The following UTRN variants were observed in gnomAD, a reference collection of about 807,000 sequenced individuals.
The protein encoded by UTRN is utrophin.
Under a neutral mutation model 463.9 loss-of-function variants are expected in UTRN, and 283 were observed. That is an observed-to-expected ratio of 0.61 (90% confidence interval 0.55 to 0.67). The LOEUF is 0.67. Ranked by LOEUF, UTRN falls within the 30% of genes least tolerant of loss-of-function variation. UTRN has a pLI of 0.00. For synonymous variants in UTRN, 1,442 were observed against 1,431.5 expected, an observed-to-expected ratio of 1.01 and a Z score of -0.17; for missense variants, 3,922 against 4,084.3, an observed-to-expected ratio of 0.96 and a Z score of 1.08.
At position 144,820,978 on chromosome 6, in the gene UTRN, C is replaced by G; in HGVS notation, c.9454C>G (p.Leu3152Val). The G allele has an allele frequency of 6.2e-7, 1 of 1,613,880 alleles. No homozygotes were observed. Among genetic ancestry groups the G allele is most frequent in the Non-Finnish European group, 8.5e-7 (1 of 1,179,864 alleles). The change falls in exon 66 of 75, where the codon CTG becomes GTG. Residue 3152 changes from leucine to valine, a missense_variant. By Grantham distance (32) the Leu-to-Val change is conservative. Transcript: ENST00000367545. ...YFAKHPRLGYLPVQTVLEGDN... is the reference protein window; with the variant it reads ...YFAKHPRLGYVPVQTVLEGDN... Reference sequence around the variant, plus strand: ...TGCCAAACACCCTCGACTTGGTTACCTGCCTGTCCAGACAGTTCTTGAAGG... The same window carrying G: ...TGCCAAACACCCTCGACTTGGTTACGTGCCTGTCCAGACAGTTCTTGAAGG...
chr6:144,643,990 A>G (rs1277144119), intron 51 of UTRN, among the ~76,000 whole-genome samples: 1 of 152,112 alleles, frequency 6.6e-6, no homozygotes, highest in Admixed American at 6.5e-5. Flanking sequence ...AAAAAGGCAA[A>G]ATCGATGGGA....
chr6:144,364,514 A>G (rs1230961109), intron 2 of UTRN, among the ~76,000 whole-genome samples: 1 of 152,150 alleles, frequency 6.6e-6, no homozygotes, highest in Non-Finnish European at 1.5e-5. Context: ...TGCTCTCCCC[A>G]CTTCGCGTTT....
At chr6:144,677,090 T>C in intron 51 of UTRN, among the ~76,000 whole-genome samples, 1 of 152,156 alleles carries the variant, frequency 6.6e-6, no homozygotes, top group Non-Finnish European at 1.5e-5. Flanking sequence ...GAGGAGTCAG[T>C]GTATTGAACA....
At chr6:144,484,432 CTTTTTTTTTTTTT>C (rs765122659) in intron 27 of UTRN, among the ~76,000 whole-genome samples, 11 of 66,254 alleles carry the variant, frequency 1.7e-4, no homozygotes, top group African/African-American at 2.3e-4. Flanking sequence ...AAAAACCAAA[CTTTTTTTTTTTTT>C]TTTTTTTTTT....
chr6:144,516,935 A>G lies in UTRN; in HGVS notation c.5528A>G (p.Tyr1843Cys). Residue 1843 changes from tyrosine (Y) to cysteine (C), a missense_variant, in exon 39 of 75, where the codon TAC becomes TGC. Around this residue, in one of 3 missense-constraint regions of UTRN, gnomAD observed 2,349 missense variants for 2,303.8 expected, o/e 1.02. Coordinates refer to ENST00000367545, the MANE Select transcript of UTRN (RefSeq NM_007124.3). Reference sequence around the variant, plus strand: ...CAATTATTACTTTTGCATACTAGATACAACAAAATTAAGGTATTATGATTG... The same window carrying G: ...CAATTATTACTTTTGCATACTAGATGCAACAAAATTAAGGTATTATGATTG... ...RLQLLLLHTR[Y>C]NKIKAIPIQQ... 1.4e-6 allele frequency: 2 copies of G among 1,480,554 alleles called. No homozygotes were observed. The allele number at this position is 1,480,554 out of a possible 1,614,324, so 91.7% of individuals were successfully genotyped here.
chr6:144,813,250 G>A (rs567949791), intron 65 of UTRN, among the ~76,000 whole-genome samples: 26 of 151,832 alleles, frequency 1.7e-4, no homozygotes, highest in East Asian at 1.5e-3. Context: ...AAGCAATGGC[G>A]CAATCTTGGC....
rs1803592603 is a variant in UTRN, at chr6:144,285,556, T to A, written c.-358T>A. The A allele has an allele frequency of 6.6e-6, 1 of 152,278 alleles. No individual in the cohort carries two copies. The highest frequency in any genetic ancestry group is 1.5e-5 in the Non-Finnish European group (1 of 68,064). 9.4% of individuals were successfully genotyped at this position (152,278 alleles called of 1,614,324 possible). ...GGTTTGCGCTTTGACTGTTTTGTTTTTGGCGGAACTACCAGGCAGGAAGAT... is the reference window on the plus strand; with the variant it reads ...GGTTTGCGCTTTGACTGTTTTGTTTATGGCGGAACTACCAGGCAGGAAGAT... On this transcript the variant is annotated 5_prime_UTR_variant, in exon 1 of 75. In the 5' UTR this introduces an upstream ATG that the reference lacks. Coordinates refer to ENST00000367545, the MANE Select transcript of UTRN (RefSeq NM_007124.3).
intron 73 of UTRN, among the ~76,000 whole-genome samples, chr6:144,841,171 A>C (rs887327426): frequency 3.3e-5 from 5 of 152,228 alleles, no homozygotes; most frequent in African/African-American, 1.2e-4. Context: ...TCTTAGTTCA[A>C]AGAAGAGCTT....
At chr6:144,815,129 T>C (rs1179573755) in intron 65 of UTRN, among the ~76,000 whole-genome samples, 2 of 152,162 alleles carry the variant, frequency 1.3e-5, no homozygotes, top group African/African-American at 4.8e-5. Flanking sequence ...TGCAATAGAT[T>C]GAAACCCATC....
intron 58 of UTRN, among the ~76,000 whole-genome samples, chr6:144,764,636 T>C (rs1458521757): frequency 6.6e-6 from 1 of 152,116 alleles, no homozygotes; most frequent in African/African-American, 2.4e-5. Flanking sequence ...AGATTAAATT[T>C]TTAAAACTGC....
chr6:144,337,610 ATTG>A, intron 2 of UTRN, among the ~76,000 whole-genome samples: 2 of 151,982 alleles, frequency 1.3e-5, no homozygotes, highest in South Asian at 4.2e-4. Context: ...GGAATACTTT[ATTG>A]TTATTATTAT....
At chr6:144,706,547 A>C (rs964734529) in intron 53 of UTRN, among the ~76,000 whole-genome samples, 2 of 152,184 alleles carry the variant, frequency 1.3e-5, no homozygotes, top group Non-Finnish European at 2.9e-5. Context: ...CTCTATTTAA[A>C]GCATACATGA....
intron 3 of UTRN, among the ~76,000 whole-genome samples, chr6:144,409,142 T>A (rs1338045113): frequency 1.3e-5 from 2 of 152,250 alleles, no homozygotes; most frequent in Non-Finnish European, 2.9e-5. Flanking sequence ...AGCTTCCAGA[T>A]ACTTTGGCTA....
chr6:144,651,056 T>A (rs1778772221), intron 51 of UTRN, among the ~76,000 whole-genome samples: 1 of 151,928 alleles, frequency 6.6e-6, no homozygotes. Context: ...AGAAATATTT[T>A]AAAATATCAT....
At position 144,490,099 on chromosome 6, in the gene UTRN, A is replaced by C. The variant is rs1473239224; in HGVS notation, c.4163A>C (p.Glu1388Ala). The C allele has an allele frequency of 1.2e-6, 2 of 1,613,274 alleles. No homozygotes were observed. Among genetic ancestry groups the C allele is most frequent in the Admixed American group, 1.7e-5 (1 of 59,876 alleles). The change falls in exon 31 of 75, where the codon GAG becomes GCG. Residue 1388 changes from glutamate to alanine, a missense_variant. By Grantham distance (107) the Glu-to-Ala change is moderately radical. This residue lies in a region of UTRN where 2,349 missense variants were observed against 2,303.8 expected (regional missense o/e 1.02). Coordinates refer to ENST00000367545, the MANE Select transcript of UTRN (RefSeq NM_007124.3). ...QKIQAEISAH[E>A]LTLEELRRNM... The stretch of plus-strand genomic sequence containing the variant: ...ATCCAAGCAGAGATCTCAGCCCATG[A>C]GCTAACCCTAGAGGAGTTGAGAAGA...
chr6:144,670,445 A>G (rs1780891461), intron 51 of UTRN, among the ~76,000 whole-genome samples: 1 of 150,640 alleles, frequency 6.6e-6, no homozygotes, highest in African/African-American at 2.4e-5. Context: ...TTGTCTATTC[A>G]TGTCCTTAAT....
intron 2 of UTRN, chr6:144,331,059 A>G (rs1266327864): frequency 1.0e-6 from 1 of 981,806 alleles, no homozygotes; most frequent in African/African-American, 1.8e-5. Context: ...AATTTTGTCC[A>G]CCTGTTCATT....
At chr6:144,601,209 T>C (rs1918746) in intron 51 of UTRN, among the ~76,000 whole-genome samples, 23,229 of 152,210 alleles carry the variant, frequency 0.15, 2,026 homozygotes, top group South Asian at 0.27. Flanking sequence ...GAGATGATAT[T>C]TTGATTTTCA....
intron 40 of UTRN, among the ~76,000 whole-genome samples, 175 bp from the exon 41 acceptor site, chr6:144,522,841 T>C (rs1796226092): frequency 6.6e-6 from 1 of 151,752 alleles, no homozygotes; most frequent in South Asian, 2.1e-4. Context: ...CCACACACTT[T>C]GGTTAAAACA....
Sources: allele counts gnomAD v4.1 joint callset (sites outside exome capture counted in the v4.1 genomes callset), GRCh38; gene constraint gnomAD v4.1.1; regional missense constraint gnomAD v4.1.1; transcripts MANE v1.5; gene names NCBI Gene and HGNC (gene_info 2026-07-23, HGNC 2026-07-21).